SLIT2: variants seen among roughly 807,000 people sequenced by gnomAD.
The protein encoded by SLIT2 is slit homolog 2 protein.
In SLIT2, 41 loss-of-function variants were observed where a neutral mutation model predicts 185.7. The ratio of observed to expected loss-of-function variants is 0.22; its 90% CI spans 0.17 to 0.29. The LOEUF is 0.29. SLIT2 is among the 10% of genes least tolerant of loss of function. SLIT2 has a pLI of 1.00. For synonymous variants in SLIT2, 693 were observed against 680.2 expected, an observed-to-expected ratio of 1.02 and a Z score of -0.29; for missense variants, 1,571 against 1,909.0, an observed-to-expected ratio of 0.82 and a Z score of 3.30.
chr4:20,552,055 G>A (rs564449957), intron 25 of SLIT2, among the ~76,000 whole-genome samples: 3 of 152,166 alleles, frequency 2.0e-5, no homozygotes, highest in Admixed American at 6.5e-5. Flanking sequence ...TTACATTTTC[G>A]TGTTTGAGCC....
At chr4:20,362,895 C>A (rs1722851078) in intron 4 of SLIT2, among the ~76,000 whole-genome samples, 2 of 151,266 alleles carry the variant, frequency 1.3e-5, no homozygotes, top group African/African-American at 4.9e-5. Context: ...TAAAATGTTT[C>A]CTTTAAAATT....
At chr4:20,594,015 T>C in intron 30 of SLIT2, among the ~76,000 whole-genome samples, 1 of 149,566 alleles carries the variant, frequency 6.7e-6, no homozygotes, top group African/African-American at 2.5e-5. Flanking sequence ...CATACATATG[T>C]ATGTGTGTAT....
chr4:20,337,876 A>C (rs561320908), intron 4 of SLIT2, among the ~76,000 whole-genome samples: 1 of 152,212 alleles, frequency 6.6e-6, no homozygotes, highest in Non-Finnish European at 1.5e-5. Flanking sequence ...GGTCCCAGTC[A>C]ATTTGTGTTT....
intron 4 of SLIT2, among the ~76,000 whole-genome samples, chr4:20,388,774 A>AG (rs368626223): frequency 0.017 from 1,829 of 104,588 alleles, 38 homozygotes; most frequent in African/African-American, 0.06. Context: ...ACTCCGTCTC[A>AG]GGGGAAAAAA....
intron 4 of SLIT2, among the ~76,000 whole-genome samples, chr4:20,309,614 T>A (rs1394013824): frequency 6.6e-6 from 1 of 152,096 alleles, no homozygotes; most frequent in Non-Finnish European, 1.5e-5. Context: ...TAGCTAGACA[T>A]CTTGATATAC....
chr4:20,367,728 C>T (rs1364906252), intron 4 of SLIT2, among the ~76,000 whole-genome samples: 1 of 152,066 alleles, frequency 6.6e-6, no homozygotes, highest in Non-Finnish European at 1.5e-5. Context: ...CTGACCTTGG[C>T]CCCTATCTTT....
intron 4 of SLIT2, among the ~76,000 whole-genome samples, chr4:20,343,718 G>A (rs1721148587): frequency 6.7e-6 from 1 of 149,392 alleles, no homozygotes; most frequent in South Asian, 2.1e-4. Context: ...TGTTGCTCAG[G>A]CTGGTCTGAA....
At position 20,516,218 on chromosome 4, in the gene SLIT2, T is replaced by G. The variant is rs185433952; in HGVS notation, c.1059-3164T>G. Among the ~76,000 whole-genome samples, 297 of 152,334 alleles carry G rather than the reference T, an allele frequency of 1.9e-3. 1 individual carries two copies. The highest frequency in any genetic ancestry group is 4.1e-3 in the Admixed American group (63 of 15,298). On this transcript the variant is annotated intron_variant, in intron 11 of 36. Transcript: ENST00000504154. The stretch of plus-strand genomic sequence containing the variant: ...AAACTCACAAGGGCTAAATTGTGTT[T>G]AACGTTCTTGGCCTTCCTTATAGCA...
chr4:20,459,175 C>T (rs1713421302), intron 4 of SLIT2, among the ~76,000 whole-genome samples: 1 of 150,278 alleles, frequency 6.7e-6, no homozygotes, highest in Non-Finnish European at 1.5e-5. Flanking sequence ...CCCAATAATC[C>T]CTAAAAAAAA....
At chr4:20,255,979 A>C (rs1711781617) in intron 1 of SLIT2, among the ~76,000 whole-genome samples, 1 of 152,206 alleles carries the variant, frequency 6.6e-6, no homozygotes, top group Admixed American at 6.5e-5. Flanking sequence ...TGACTCCTGA[A>C]GGAAAAGTGC....
chr4:20,428,972 C>T (rs893022468), intron 4 of SLIT2, among the ~76,000 whole-genome samples: 42 of 152,186 alleles, frequency 2.8e-4, no homozygotes, highest in African/African-American at 1.0e-3. Context: ...ATCACTTTTC[C>T]TCCATACTCA....
chr4:20,554,669 G>T (rs574774712), intron 26 of SLIT2, among the ~76,000 whole-genome samples: 121 of 152,162 alleles, frequency 8.0e-4, no homozygotes, highest in Non-Finnish European at 1.5e-3. Context: ...TCCACTGATG[G>T]TAGTCAACTA....
chr4:20,472,335 G>T (rs1426185455), intron 5 of SLIT2, among the ~76,000 whole-genome samples: 300 of 13,712 alleles, frequency 0.022, 16 homozygotes, highest in Middle Eastern at 0.077. Context: ...TCTATATATA[G>T]ATCTATATAT....
chr4:20,613,587 C>T (rs1027847446), intron 34 of SLIT2, among the ~76,000 whole-genome samples: 14 of 152,102 alleles, frequency 9.2e-5, no homozygotes, highest in Non-Finnish European at 1.5e-4. Context: ...CTGAAATAGT[C>T]CGTACAACAA....
At chr4:20,385,844 C>G (rs985695514) in intron 4 of SLIT2, among the ~76,000 whole-genome samples, 16 of 151,640 alleles carry the variant, frequency 1.1e-4, no homozygotes, top group African/African-American at 3.9e-4. Flanking sequence ...TAAAACCATA[C>G]AGTTTCTTTA....
chr4:20,423,526 T>A (rs1007668622), intron 4 of SLIT2, among the ~76,000 whole-genome samples: 1 of 152,000 alleles, frequency 6.6e-6, no homozygotes, highest in Non-Finnish European at 1.5e-5. Flanking sequence ...GGATTTAAAT[T>A]ATATTTCAAG....
In SLIT2 at chr4:20,549,047, A is replaced by G. The variant is rs1432357393; in HGVS notation, c.2418-10A>G. 3.2e-6 allele frequency: 5 copies of G among 1,546,510 alleles called. No individual in the cohort carries two copies. Among genetic ancestry groups the G allele is most frequent in the East Asian group, 2.2e-5 (1 of 44,520 alleles). Reference sequence around the variant, plus strand: ...CTGAATAAAACAAATTGACATATGTATGCTTTCAGAATTCTTAGTTACAAC... The same window carrying G: ...CTGAATAAAACAAATTGACATATGTGTGCTTTCAGAATTCTTAGTTACAAC... On this transcript the variant is annotated splice_polypyrimidine_tract_variant and intron_variant, in intron 23 of 36. Coordinates refer to ENST00000504154, the MANE Select transcript of SLIT2 (RefSeq NM_004787.4).
intron 9 of SLIT2, among the ~76,000 whole-genome samples, chr4:20,505,662 A>G (rs1719140787): frequency 6.6e-6 from 1 of 152,122 alleles, no homozygotes; most frequent in African/African-American, 2.4e-5. Context: ...TATGTGTTAC[A>G]GAGCCCATCA....
At chr4:20,527,378 C>A (rs544935368) in intron 15 of SLIT2, among the ~76,000 whole-genome samples, 1 of 152,032 alleles carries the variant, frequency 6.6e-6, no homozygotes, top group African/African-American at 2.4e-5. Flanking sequence ...TTCCGCCTCC[C>A]GAGTTCATGC....
Sources: gnomAD v4.1 joint callset for allele counts (sites outside exome capture counted in the v4.1 genomes callset) on GRCh38, gnomAD v4.1.1 for gene constraint, MANE v1.5 for transcripts, NCBI Gene and HGNC (gene_info 2026-07-23, HGNC 2026-07-21) for gene names.